Variants in CDC42BPA observed in about 807,000 individuals in gnomAD.
CDC42BPA encodes the protein CDC42 binding protein kinase alpha, also known as serine/threonine-protein kinase MRCK alpha.
CDC42BPA carries 80 observed loss-of-function variants against 223.5 expected under a neutral mutation model. That is an observed-to-expected ratio of 0.36 (90% confidence interval 0.30 to 0.43). The LOEUF is 0.43. CDC42BPA is among the 20% of genes least tolerant of loss of function. The pLI is 1.00. For synonymous variants in CDC42BPA, 694 were observed against 718.6 expected, an observed-to-expected ratio of 0.97 and a Z score of 0.55; for missense variants, 1,743 against 2,099.9, an observed-to-expected ratio of 0.83 and a Z score of 3.32.
At chr1:227,227,287 G>T (rs560727434) in intron 2 of CDC42BPA, among the ~76,000 whole-genome samples, 1 of 152,186 alleles carries the variant, frequency 6.6e-6, no homozygotes, top group Admixed American at 6.5e-5. Flanking sequence ...TAAGAAACAA[G>T]TAAAAAGTTT....
intron 1 of CDC42BPA, among the ~76,000 whole-genome samples, chr1:227,278,861 G>C (rs1480960966): frequency 2.6e-5 from 4 of 151,998 alleles, no homozygotes; most frequent in African/African-American, 4.8e-5. Context: ...GGAATTTTTA[G>C]CACTGTTAAG....
At chr1:227,023,539 T>A (rs1667749052) in intron 31 of CDC42BPA, among the ~76,000 whole-genome samples, 192 bp from the exon 32 acceptor site, 1 of 152,138 alleles carries the variant, frequency 6.6e-6, no homozygotes, top group Non-Finnish European at 1.5e-5. Context: ...CAAACAAACT[T>A]GCAATGATAA....
intron 1 of CDC42BPA, among the ~76,000 whole-genome samples, chr1:227,268,711 G>GGT (rs1685486545): frequency 7.0e-6 from 1 of 143,302 alleles, no homozygotes; most frequent in African/African-American, 2.8e-5. Context: ...TTAAAGACAG[G>GGT]GTCTTGCTCT....
intron 3 of CDC42BPA, among the ~76,000 whole-genome samples, chr1:227,207,634 C>A (rs188194749): frequency 6.6e-6 from 1 of 150,572 alleles, no homozygotes; most frequent in Non-Finnish European, 1.5e-5. Context: ...TTTGTTCTTG[C>A]GATAGTTTAC....
At chr1:227,034,872 T>C (rs1669947300) in intron 25 of CDC42BPA, 78 bp from the exon 26 acceptor site, 16 of 1,286,926 alleles carry the variant, frequency 1.2e-5, no homozygotes, top group Non-Finnish European at 1.5e-5. Flanking sequence ...TGTAATTGCA[T>C]GGTGAAGACC....
At chr1:227,214,828 A>C (rs189126443) in intron 2 of CDC42BPA, among the ~76,000 whole-genome samples, 1 of 152,284 alleles carries the variant, frequency 6.6e-6, no homozygotes, top group East Asian at 1.9e-4. Context: ...TAATAACAGT[A>C]GTGGTAGTAG....
intron 5 of CDC42BPA, among the ~76,000 whole-genome samples, chr1:227,171,605 A>C (rs1424840883): frequency 6.6e-6 from 1 of 152,112 alleles, no homozygotes; most frequent in African/African-American, 2.4e-5. Flanking sequence ...TGACAGAGCA[A>C]GATCCTGTCT....
intron 1 of CDC42BPA, among the ~76,000 whole-genome samples, chr1:227,309,473 T>C (rs1693147314): frequency 6.6e-6 from 1 of 152,202 alleles, no homozygotes; most frequent in African/African-American, 2.4e-5. Context: ...CAGCGCTTCA[T>C]GGATGTAATA....
chr1:227,151,276 A>C (rs1661700473), intron 6 of CDC42BPA, among the ~76,000 whole-genome samples: 2 of 152,194 alleles, frequency 1.3e-5, no homozygotes, highest in Non-Finnish European at 2.9e-5. Context: ...TAACTGGCTT[A>C]TTTCATTAAC....
At chr1:227,030,009 C>T (rs962616177) in intron 29 of CDC42BPA, among the ~76,000 whole-genome samples, 6 of 151,980 alleles carry the variant, frequency 3.9e-5, no homozygotes, top group Non-Finnish European at 1.5e-5. Context: ...TGGTGCATGC[C>T]TGTAATCCCA....
chr1:227,303,007 G>GGT (rs796171903), intron 1 of CDC42BPA, among the ~76,000 whole-genome samples: 5 of 135,014 alleles, frequency 3.7e-5, no homozygotes, highest in East Asian at 4.2e-4. Context: ...GTTTTTTTGG[G>GGT]TTTTTTTTTT....
chr1:227,106,582 T>C (rs1194538372), intron 14 of CDC42BPA, among the ~76,000 whole-genome samples: 2 of 152,182 alleles, frequency 1.3e-5, no homozygotes, highest in African/African-American at 2.4e-5. Flanking sequence ...TTAGGAAGTG[T>C]TTCCTCCTCT....
At chr1:227,268,751 T>A (rs924102648) in intron 1 of CDC42BPA, among the ~76,000 whole-genome samples, 1 of 151,260 alleles carries the variant, frequency 6.6e-6, no homozygotes, top group Admixed American at 6.6e-5. Context: ...ACTGGCGTGA[T>A]CCCGGTTCAC....
chr1:227,031,269 A>G (rs745670497), intron 28 of CDC42BPA, 29 bp downstream of exon 28: 1 of 1,538,656 alleles, frequency 6.5e-7, no homozygotes, highest in Non-Finnish European at 9.0e-7. Flanking sequence ...AACAATGATA[A>G]TAATATGATA....
intron 21 of CDC42BPA, chr1:227,068,755 A>G (rs1274651569): frequency 5.0e-6 from 3 of 603,414 alleles, no homozygotes; most frequent in African/African-American, 2.0e-5. Flanking sequence ...AAGCAATTTA[A>G]TAAGAATAAT....
intron 21 of CDC42BPA, among the ~76,000 whole-genome samples, chr1:227,052,370 T>C (rs1483943370): frequency 6.6e-6 from 1 of 152,184 alleles, no homozygotes; most frequent in African/African-American, 2.4e-5. Context: ...AAAGATAACT[T>C]TGTCCTTGAT....
chr1:227,000,622 C>T (rs1010454732), intron 35 of CDC42BPA, among the ~76,000 whole-genome samples: 2 of 152,146 alleles, frequency 1.3e-5, no homozygotes, highest in Non-Finnish European at 2.9e-5. Flanking sequence ...GAGTAACATG[C>T]AAGACAGAAG....
chr1:227,280,660 G>C (rs1687871284), intron 1 of CDC42BPA, among the ~76,000 whole-genome samples: 1 of 152,154 alleles, frequency 6.6e-6, no homozygotes, highest in Non-Finnish European at 1.5e-5. Context: ...TATCTCCTGA[G>C]CTTTAGTAGA....
chr1:227,051,324 A>G (rs1324801883), intron 22 of CDC42BPA, among the ~76,000 whole-genome samples: 1 of 152,226 alleles, frequency 6.6e-6, no homozygotes, highest in African/African-American at 2.4e-5. Flanking sequence ...GATCTCTGTT[A>G]AGAAAATTGG....
Sources: allele counts gnomAD v4.1 joint callset (sites outside exome capture counted in the v4.1 genomes callset), GRCh38; gene constraint gnomAD v4.1.1; transcripts MANE v1.5; gene names NCBI Gene and HGNC (gene_info 2026-07-23, HGNC 2026-07-21).